FAM89A: variants seen among roughly 807,000 people sequenced by gnomAD.
FAM89A encodes the protein family with sequence similarity 89 member A, also known as protein FAM89A.
Under a neutral mutation model 7.1 loss-of-function variants are expected in FAM89A, and 10 were observed. The ratio of observed to expected loss-of-function variants is 1.40; its 90% confidence interval spans 0.86 to 2.38. The LOEUF (loss-of-function observed/expected upper bound fraction) is 2.38, where lower values mean the gene tolerates loss of function less well. Among genes scored for constraint, FAM89A ranks in the 30% most tolerant of loss-of-function variants. The probability of loss-of-function intolerance (pLI) is 0.00; values close to 1 mark genes in which losing one functional copy is unlikely to be tolerated. For synonymous variants in FAM89A, 157 were observed against 129.3 expected (o/e 1.21, Z -1.45); for missense variants, 276 against 262.8 (o/e 1.05, Z -0.35).
chr1:231,021,210 C>A (rs955316737), intron 1 of FAM89A, among the ~76,000 whole-genome samples: 8 of 152,252 alleles, frequency 5.3e-5, no homozygotes, highest in Non-Finnish European at 1.2e-4. Context: ...GGCTTCTTGG[C>A]CCCTGAGCAA....
chr1:231,039,532 T>C (rs1386759646), intron 1 of FAM89A, among the ~76,000 whole-genome samples: 3 of 152,188 alleles, frequency 2.0e-5, no homozygotes, highest in Non-Finnish European at 4.4e-5. Context: ...GTTAATCCGT[T>C]GGGCCGCTGT....
intron 1 of FAM89A, among the ~76,000 whole-genome samples, chr1:231,035,230 G>A (rs1299182195): frequency 6.6e-6 from 1 of 152,224 alleles, no homozygotes; most frequent in African/African-American, 2.4e-5. Context: ...AATGTAGGAA[G>A]GCTAATTGTT....
chr1:231,019,757 G>A lies in FAM89A; in HGVS notation c.*106C>T, dbSNP rs1212514540. Reference sequence around the variant, plus strand: ...CTGGTAGCGCTCATCCCCTGTGCCCGAGGACCGTCCACAACGGAGGTGCTT... The same window carrying A: ...CTGGTAGCGCTCATCCCCTGTGCCCAAGGACCGTCCACAACGGAGGTGCTT... On this transcript the variant is annotated 3_prime_UTR_variant, in exon 2 of 2. Coordinates refer to ENST00000366654, the MANE Select transcript of FAM89A (RefSeq NM_198552.3). The A allele has an allele frequency of 1.4e-5, 18 of 1,311,308 alleles. No homozygotes were observed. The highest frequency in any genetic ancestry group is 2.7e-4 in the Middle Eastern group (1 of 3,670). The allele number at this position is 1,311,308 out of a possible 1,614,324, so 81.2% of individuals were successfully genotyped here.
At chr1:231,020,415 C>T (rs1269495134) in intron 1 of FAM89A, among the ~76,000 whole-genome samples, 1 of 152,216 alleles carries the variant, frequency 6.6e-6, no homozygotes, top group Non-Finnish European at 1.5e-5. Flanking sequence ...GATGAAGCAA[C>T]AGCACTGCAT....
chr1:231,020,796 G>A (rs1041333513), intron 1 of FAM89A, among the ~76,000 whole-genome samples: 3 of 152,152 alleles, frequency 2.0e-5, no homozygotes, highest in African/African-American at 7.2e-5. Flanking sequence ...CTGAAAACTA[G>A]CCCCACAAAA....
chr1:231,031,810 C>A (rs1258359892), intron 1 of FAM89A, among the ~76,000 whole-genome samples: 1 of 152,188 alleles, frequency 6.6e-6, no homozygotes, highest in Non-Finnish European at 1.5e-5. Context: ...TTACCATATT[C>A]TTTTCAACAA....
rs773033489 is a variant in FAM89A, at chr1:231,022,123, T to C, written c.292-1997A>G. On this transcript the variant is annotated intron_variant, in intron 1 of 1. Coordinates refer to ENST00000366654, the MANE Select transcript of FAM89A (RefSeq NM_198552.3). ...TCCGTGATTCCCTGAAGAACGCTAATACTTGCCCAACTTGTAGGAAAAAGA... is the reference window on the plus strand; with the variant it reads ...TCCGTGATTCCCTGAAGAACGCTAACACTTGCCCAACTTGTAGGAAAAAGA... 232 of 1,256,552 alleles carry C rather than the reference T, an allele frequency of 1.8e-4. 3 individuals carry two copies. The Middle Eastern group carries it at 0.011, about 58-fold the overall frequency. 77.8% of individuals were successfully genotyped at this position (1,256,552 alleles called of 1,614,324 possible).
In FAM89A at chr1:231,022,041, A is replaced by G. The variant is rs1378325616; in HGVS notation, c.292-1915T>C. 7.8e-6 allele frequency: 11 copies of G among 1,411,632 alleles called. No individual in the cohort carries two copies. The East Asian group carries it at 2.3e-4, about 29-fold the overall frequency. The allele number at this position is 1,411,632 out of a possible 1,614,324, so 87.4% of individuals were successfully genotyped here. A position where few individuals can be genotyped will look rare whatever the true frequency, so the allele number is the denominator to read the frequency against. On this transcript the variant is annotated intron_variant, in intron 1 of 1. Transcript: ENST00000366654. Reference sequence around the variant, plus strand: ...ATGGACAGATATTCAGAGATCGTGCAGAATAGACGTCTCATCGTTTCCACA... The same window carrying G: ...ATGGACAGATATTCAGAGATCGTGCGGAATAGACGTCTCATCGTTTCCACA...
intron 1 of FAM89A, among the ~76,000 whole-genome samples, chr1:231,023,398 G>A (rs1419588655): frequency 6.6e-6 from 1 of 152,214 alleles, no homozygotes; most frequent in African/African-American, 2.4e-5. Flanking sequence ...TGACAGCACA[G>A]GGCCTGGCGG....
At chr1:231,021,922 A>G in intron 1 of FAM89A, 3 of 1,511,638 alleles carry the variant, frequency 2.0e-6, no homozygotes, top group South Asian at 2.3e-5. Context: ...CCAGGGACAG[A>G]GACGTGTATG....
In FAM89A at chr1:231,019,753, G is replaced by C. The variant is rs145296244; in HGVS notation, c.*110C>G. The C allele has an allele frequency of 0.017, 20,956 of 1,235,714 alleles. 327 individuals are homozygous for C. The highest frequency in any genetic ancestry group is 0.061 in the Middle Eastern group (213 of 3,484). The allele number at this position is 1,235,714 out of a possible 1,614,324, so 76.5% of individuals were successfully genotyped here. A position where few individuals can be genotyped will look rare whatever the true frequency, so the allele number is the denominator to read the frequency against. ...GAAACTGGTAGCGCTCATCCCCTGT[G>C]CCCGAGGACCGTCCACAACGGAGGT... On this transcript the variant is annotated 3_prime_UTR_variant, in exon 2 of 2. Coordinates refer to ENST00000366654, the MANE Select transcript of FAM89A (RefSeq NM_198552.3).
rs549441692 is a variant in FAM89A, at chr1:231,026,291, C to G, written c.292-6165G>C. ...AAGGAACCAGATGGTCACCTTCGCT[C>G]AGAAGACAGCCAGCATAGTCAGGCA... On this transcript the variant is annotated intron_variant, in intron 1 of 1. Transcript: ENST00000366654. 3.1e-4 allele frequency: 47 copies of G among 152,818 alleles called. 1 individual carries two copies. Among genetic ancestry groups the G allele is most frequent in the African/African-American group, 1.1e-3 (47 of 41,550 alleles). The allele number at this position is 152,818 out of a possible 1,614,324, so 9.5% of individuals were successfully genotyped here. A position where few individuals can be genotyped will look rare whatever the true frequency, so the allele number is the denominator to read the frequency against.
At chr1:231,027,369 A>G (rs887810411) in intron 1 of FAM89A, among the ~76,000 whole-genome samples, 17 of 152,226 alleles carry the variant, frequency 1.1e-4, no homozygotes, top group Admixed American at 2.6e-4. Flanking sequence ...CTAGGAATAC[A>G]GCGCAGCCCC....
intron 1 of FAM89A, chr1:231,022,001 G>C (rs895353927): frequency 7.5e-7 from 1 of 1,341,150 alleles, no homozygotes; most frequent in East Asian, 2.3e-5. Context: ...GGGTACTGTC[G>C]GTTGTCCTAT....
intron 1 of FAM89A, among the ~76,000 whole-genome samples, chr1:231,036,486 C>T (rs1680156639): frequency 6.6e-6 from 1 of 152,090 alleles, no homozygotes; most frequent in African/African-American, 2.4e-5. Context: ...ATCTGTGTGA[C>T]CCTTGAAGCT....
At chr1:231,039,258 C>T (rs182882878) in intron 1 of FAM89A, among the ~76,000 whole-genome samples, 3 of 152,238 alleles carry the variant, frequency 2.0e-5, no homozygotes, top group Non-Finnish European at 2.9e-5. Context: ...ATGGACAGCA[C>T]CCAGACCGGG....
At position 231,020,238 on chromosome 1, in the gene FAM89A, G is replaced by A. The variant is rs147532428; in HGVS notation, c.292-112C>T. ...TGCCAGCACATTCCTTCCACACGGC[G>A]CATGATTCAGAGCATCACTCGGATG... is the stretch of plus-strand genomic sequence containing the variant. On this transcript the variant is annotated intron_variant, in intron 1 of 1. Coordinates refer to ENST00000366654, the MANE Select transcript of FAM89A (RefSeq NM_198552.3). The A allele has an allele frequency of 5.8e-4, 652 of 1,121,316 alleles. 3 individuals are homozygous for A. The African/African-American group carries it at 7.7e-3, about 13-fold the overall frequency. The allele number at this position is 1,121,316 out of a possible 1,614,324, so 69.5% of individuals were successfully genotyped here.
chr1:231,034,551 T>G (rs1680127240), intron 1 of FAM89A, among the ~76,000 whole-genome samples: 1 of 151,818 alleles, frequency 6.6e-6, no homozygotes, highest in Admixed American at 6.6e-5. Context: ...AGCGGGCGGA[T>G]CATCTGAGGT....
At chr1:231,030,340 C>G (rs1211776479) in intron 1 of FAM89A, among the ~76,000 whole-genome samples, 1 of 152,230 alleles carries the variant, frequency 6.6e-6, no homozygotes, top group Non-Finnish European at 1.5e-5. Flanking sequence ...CACCTCTATA[C>G]TTTCCAGGAA....
Sources: allele counts gnomAD v4.1 joint callset (sites outside exome capture counted in the v4.1 genomes callset), GRCh38; gene constraint gnomAD v4.1.1; transcripts MANE v1.5; gene names NCBI Gene and HGNC (gene_info 2026-07-23, HGNC 2026-07-21).